Variants in KDM2B observed in about 807,000 individuals in gnomAD.
KDM2B encodes lysine demethylase 2B.
A neutral mutation model predicts 150.0 loss-of-function variants in KDM2B; 26 were observed. The observed-to-expected ratio is 0.17, with a 90% CI of 0.13 to 0.24. The LOEUF is 0.24. Ranked by LOEUF, KDM2B falls within the 10% of genes least tolerant of loss-of-function variation. The pLI is 1.00. For synonymous variants in KDM2B, 734 were observed against 729.5 expected (o/e 1.01, Z -0.10); for missense variants, 1,265 against 1,816.9 (o/e 0.70, Z 5.52).
intron 6 of KDM2B, among the ~76,000 whole-genome samples, chr12:121,546,849 C>T (rs1889094793): frequency 6.6e-6 from 1 of 151,960 alleles, no homozygotes; most frequent in Non-Finnish European, 1.5e-5. Flanking sequence ...AGGCACCCAC[C>T]ACCACACCTG....
At chr12:121,571,477 C>T (rs562057871) in intron 4 of KDM2B, among the ~76,000 whole-genome samples, 3 of 151,260 alleles carry the variant, frequency 2.0e-5, no homozygotes, top group South Asian at 2.1e-4. Flanking sequence ...TTAGCAGAGA[C>T]GGGGTTTCAT....
In KDM2B at chr12:121,502,614, C is replaced by T. The variant is rs183205446; in HGVS notation, c.1647+6953G>A. 4.0e-5 allele frequency among the ~76,000 whole-genome samples: 6 copies of T among 150,914 alleles called. No homozygotes were observed. In the South Asian group the frequency reaches 6.3e-4, roughly 16 times the overall value. Reference sequence around the variant, plus strand: ...CCAGCCTGGGCAACAGAGAGAGACTCGGACTCAAAAAAAAAGGTATCACCT... The same window carrying T: ...CCAGCCTGGGCAACAGAGAGAGACTTGGACTCAAAAAAAAAGGTATCACCT... On this transcript the variant is annotated intron_variant, in intron 11 of 22. Transcript: ENST00000377071.
rs1459348742 is a variant in KDM2B at position 121,467,661 on chromosome 12, C to A, written c.1735-14317G>T. ...CGCGGGATGCACATGGGTGGCTGCA[C>A]GCCGCCACCGCTGCAACAGGAAATG... On this transcript the variant is annotated intron_variant, in intron 12 of 22. Coordinates refer to ENST00000377071, the MANE Select transcript of KDM2B (RefSeq NM_032590.5). This position sits in a 1 kb window ranked among gnomAD's most constrained non-coding sequence, Gnocchi z 5.1. 1 of 151,662 alleles carries A rather than the reference C, an allele frequency of 6.6e-6. No individual in the cohort carries two copies. Among genetic ancestry groups the A allele is most frequent in the Non-Finnish European group, 1.5e-5 (1 of 67,932 alleles). 9.4% of individuals were successfully genotyped at this position (151,662 alleles called of 1,614,324 possible).
Position 121,429,180 on chromosome 12 carries a change from G to A in KDM2B, c.*1108C>T, listed in dbSNP as rs1872676855. On this transcript the variant is annotated 3_prime_UTR_variant, in exon 23 of 23. Transcript: ENST00000377071. ...ACAGAAACCCTCAAAGTTCAAGAGT[G>A]GTTTTTTTTGTACAATTGTTTATAC... 6.6e-6 allele frequency: 1 copy of A among 152,582 alleles called. No homozygotes were observed. The highest frequency in any genetic ancestry group is 1.5e-5 in the Non-Finnish European group (1 of 68,032). 9.5% of individuals were successfully genotyped at this position (152,582 alleles called of 1,614,324 possible).
At position 121,442,888 on chromosome 12, in the gene KDM2B, G is replaced by A. The variant is rs782217501; in HGVS notation, c.2605-52C>T. 13 of 1,545,624 alleles carry A rather than the reference G, an allele frequency of 8.4e-6. No homozygotes were observed. The highest frequency in any genetic ancestry group is 2.3e-5 in the East Asian group (1 of 43,398). Reference sequence around the variant, plus strand: ...GCCTCTGGGGCTCAGGGCTGCGCCCGCCCAAGGCCTCCCGCCCCCCTGCCA... The same window carrying A: ...GCCTCTGGGGCTCAGGGCTGCGCCCACCCAAGGCCTCCCGCCCCCCTGCCA... On this transcript the variant is annotated intron_variant, in intron 18 of 22. Transcript: ENST00000377071. This position sits in a 1 kb window ranked among gnomAD's most constrained non-coding sequence, Gnocchi z 7.7.
chr12:121,446,022 TCCTGGCC>T (rs1329020268), intron 13 of KDM2B, among the ~76,000 whole-genome samples: 1 of 152,258 alleles, frequency 6.6e-6, no homozygotes, highest in Admixed American at 6.5e-5. Context: ...CGGGTGAAAC[TCCTGGCC>T]CCTCAGCACC....
In KDM2B at chr12:121,493,108, A is replaced by G. The variant is rs59475310; in HGVS notation, c.1734+1471T>C. ...TTTTTGGTAGAGATGAGTTCTCATT[A>G]TGTTACCCAGGTTGATCTTGAACTC... On this transcript the variant is annotated intron_variant, in intron 12 of 22. Coordinates refer to ENST00000377071, the MANE Select transcript of KDM2B (RefSeq NM_032590.5). Among the ~76,000 whole-genome samples the G allele has an allele frequency of 7.6e-3, 724 of 94,854 alleles. 4 individuals are homozygous for G. The highest frequency in any genetic ancestry group is 0.029 in the African/African-American group (694 of 24,070). 62.2% of individuals were successfully genotyped at this position (94,854 alleles called of 152,430 possible).
chr12:121,569,755 T>C (rs1180832061), intron 4 of KDM2B, among the ~76,000 whole-genome samples: 2 of 152,174 alleles, frequency 1.3e-5, no homozygotes, highest in Non-Finnish European at 2.9e-5. Flanking sequence ...TGAACATTCA[T>C]CGCTCCATTT....
At chr12:121,503,284 G>GT (rs1884755678) in intron 11 of KDM2B, among the ~76,000 whole-genome samples, 1 of 149,142 alleles carries the variant, frequency 6.7e-6, no homozygotes, top group African/African-American at 2.5e-5. Context: ...GGGCTGTGGT[G>GT]TTTTGTTTTT....
In KDM2B at chr12:121,533,004, C is replaced by G. The variant is rs782093340; in HGVS notation, c.778-45G>C. The G allele has an allele frequency of 6.2e-7, 1 of 1,609,486 alleles. No homozygotes were observed. Among genetic ancestry groups the G allele is most frequent in the South Asian group, 1.1e-5 (1 of 90,718 alleles). ...AGTCAGCTGGAGACCCAGGCCCAGA[C>G]AAGACCCAGAGAGAGGGCCCCACCT... On this transcript the variant is annotated intron_variant, in intron 7 of 22. Transcript: ENST00000377071. This position sits in a 1 kb window ranked among gnomAD's most constrained non-coding sequence, Gnocchi z 4.1.
At chr12:121,456,934 A>C (rs1878330001) in intron 12 of KDM2B, among the ~76,000 whole-genome samples, 1 of 152,180 alleles carries the variant, frequency 6.6e-6, no homozygotes. Flanking sequence ...CAGGCCAGGA[A>C]GGTTTCTGCT....
chr12:121,420,789 C>A, the KDM2B span: 5 of 1,597,998 alleles, frequency 3.1e-6, 1 homozygote, highest in Middle Eastern at 5.0e-4. Flanking sequence ...GTAGGTTTAT[C>A]TTTTCATTTT....
chr12:121,560,886 C>A (rs1555313749), intron 4 of KDM2B, among the ~76,000 whole-genome samples: 15 of 152,188 alleles, frequency 9.9e-5, no homozygotes. Context: ...GAGCAGCCAT[C>A]CCTAGAGCAG....
At position 121,484,824 on chromosome 12, in the gene KDM2B, T is replaced by C. The variant is rs1882582691; in HGVS notation, c.1734+9755A>G. ...CAGAGCAAGACCCTGTCTCAGAAAATAGAAAAAAAACTTTAAAAAATAAAA... is the reference window on the plus strand; with the variant it reads ...CAGAGCAAGACCCTGTCTCAGAAAACAGAAAAAAAACTTTAAAAAATAAAA... On this transcript the variant is annotated intron_variant, in intron 12 of 22. Transcript: ENST00000377071. Among the ~76,000 whole-genome samples the C allele has an allele frequency of 2.7e-5, 4 of 150,594 alleles. No individual in the cohort carries two copies. In the South Asian group the frequency reaches 8.4e-4, roughly 32 times the overall value.
At chr12:121,534,719 C>T in intron 6 of KDM2B, 129 bp from the exon 7 acceptor site, 1 of 665,156 alleles carries the variant, frequency 1.5e-6, no homozygotes, top group Non-Finnish European at 2.6e-6. Context: ...TTCTTTTTTT[C>T]TTCTTTAAAA....
chr12:121,528,096 G>T (rs575026905), intron 8 of KDM2B, among the ~76,000 whole-genome samples: 1 of 152,298 alleles, frequency 6.6e-6, no homozygotes, highest in African/African-American at 2.4e-5. Context: ...TGACCCTGAC[G>T]CTGTATTCTC....
chr12:121,513,373 G>A lies in KDM2B; in HGVS notation c.1077C>T (p.Tyr359=), dbSNP rs1885755734. The A allele has an allele frequency of 4.3e-6, 7 of 1,612,698 alleles. No homozygotes were observed. In the African/African-American group the frequency reaches 6.7e-5, roughly 15 times the overall value. The change falls in exon 10 of 23, where the codon TAC becomes TAT. Residue 359 remains tyrosine, a synonymous_variant. Coordinates refer to ENST00000377071, the MANE Select transcript of KDM2B (RefSeq NM_032590.5). The surrounding 1 kb of genome is among the most constrained non-coding windows in gnomAD (Gnocchi z 5.0). ...CCAGGACATACCAGCACATCTCATAGTAGAAGGGGTAACGGAATTTGGGCT... is the reference window on the plus strand; with the variant it reads ...CCAGGACATACCAGCACATCTCATAATAGAAGGGGTAACGGAATTTGGGCT... ...RVQPKFRYPF[Y]YEMCWYVLER...
rs1891469011 is a variant in KDM2B, at chr12:121,575,996, A to G, written c.272-137T>C. 1 of 657,144 alleles carries G rather than the reference A, an allele frequency of 1.5e-6. No individual in the cohort carries two copies. Among genetic ancestry groups the G allele is most frequent in the Admixed American group, 2.5e-5 (1 of 39,814 alleles). 40.7% of individuals were successfully genotyped at this position (657,144 alleles called of 1,614,324 possible). A position where few individuals can be genotyped will look rare whatever the true frequency, so the allele number is the denominator to read the frequency against. ...GAGATGCAGGCACCAGCTGTACAGCAAAAGCTCCTTGGAAAATGATCGGGA... is the reference window on the plus strand; with the variant it reads ...GAGATGCAGGCACCAGCTGTACAGCGAAAGCTCCTTGGAAAATGATCGGGA... On this transcript the variant is annotated intron_variant, in intron 2 of 22. Coordinates refer to ENST00000377071, the MANE Select transcript of KDM2B (RefSeq NM_032590.5). This position sits in a 1 kb window ranked among gnomAD's most constrained non-coding sequence, Gnocchi z 4.4.
chr12:121,510,930 G>A (rs1352609519), intron 10 of KDM2B, among the ~76,000 whole-genome samples: 2 of 151,984 alleles, frequency 1.3e-5, no homozygotes, highest in African/African-American at 4.8e-5. Context: ...TAGATGAGTA[G>A]TTGCCTAGGG....
Sources: allele counts gnomAD v4.1 joint callset (sites outside exome capture counted in the v4.1 genomes callset), GRCh38; gene constraint gnomAD v4.1.1; non-coding constraint Gnocchi (gnomAD v3.1); transcripts MANE v1.5; gene names NCBI Gene and HGNC (gene_info 2026-07-23, HGNC 2026-07-21).